The following NGLY1 variants were observed in gnomAD, a reference collection of about 807,000 sequenced individuals.
The protein encoded by NGLY1 is N-glycanase 1.
Under a neutral mutation model 84.6 loss-of-function variants are expected in NGLY1, and 68 were observed. That is an observed-to-expected ratio of 0.80 (90% CI 0.66 to 0.98). NGLY1 has a LOEUF of 0.98. NGLY1 is among the 50% of genes least tolerant of loss of function. The pLI, the probability that NGLY1 is intolerant of heterozygous loss-of-function variation, is 0.00. For synonymous variants in NGLY1, 280 were observed against 275.2 expected (o/e 1.02, Z -0.17); for missense variants, 779 against 770.2 (o/e 1.01, Z -0.14).
intron 2 of NGLY1, among the ~76,000 whole-genome samples, chr3:25,768,854 C>G (rs1707752847): frequency 6.6e-6 from 1 of 151,566 alleles, no homozygotes; most frequent in Admixed American, 6.6e-5. Flanking sequence ...ATGAGTAAGA[C>G]TTTAAGAACA....
chr3:25,751,322 A>G, intron 3 of NGLY1, 59 bp from the exon 4 acceptor site: 1 of 1,333,914 alleles, frequency 7.5e-7, no homozygotes, highest in Non-Finnish European at 9.8e-7. Flanking sequence ...AAAATAATAT[A>G]TAATAAAAAA....
At chr3:25,750,651 A>G (rs951976837) in intron 4 of NGLY1, among the ~76,000 whole-genome samples, 3 of 152,324 alleles carry the variant, frequency 2.0e-5, no homozygotes, top group Non-Finnish European at 4.4e-5. Flanking sequence ...ATTTTACCTC[A>G]ATTAAAAAAT....
rs191790520 is a variant in NGLY1, at chr3:25,741,718, C to T, written c.659-1919G>A. On this transcript the variant is annotated intron_variant, in intron 4 of 11. Transcript: ENST00000280700. Reference sequence around the variant, plus strand: ...GAAAAGATAAATTTCTGGACGGGCACGGTGGCTCACGCCTATAATCCCAGC... The same window carrying T: ...GAAAAGATAAATTTCTGGACGGGCATGGTGGCTCACGCCTATAATCCCAGC... 3.3e-3 allele frequency among the ~76,000 whole-genome samples: 500 copies of T among 152,114 alleles called. 3 individuals carry two copies. Among genetic ancestry groups the T allele is most frequent in the Admixed American group, 8.1e-3 (123 of 15,276 alleles).
chr3:25,719,745 TA>T, intron 11 of NGLY1, 110 bp from the exon 12 acceptor site: 1 of 808,380 alleles, frequency 1.2e-6, no homozygotes, highest in Non-Finnish European at 1.9e-6. Context: ...AATAAACCCT[TA>T]AAAATAAATA....
intron 3 of NGLY1, among the ~76,000 whole-genome samples, chr3:25,760,267 T>C (rs747138775): frequency 3.3e-5 from 5 of 152,104 alleles, no homozygotes; most frequent in Non-Finnish European, 7.4e-5. Context: ...TGAACATATA[T>C]ATATATGTAT....
rs769094117 is a variant in NGLY1 at position 25,751,121 on chromosome 3, G to C, written c.635C>G (p.Ser212Trp). Residue 212 changes from serine to tryptophan, a missense_variant, in exon 4 of 12, where the codon TCG becomes TGG. Coordinates refer to ENST00000280700, the MANE Select transcript of NGLY1 (RefSeq NM_018297.4). Reference sequence around the variant, plus strand: ...ACCTTTATCCAATTTTCTAGCTCTCGATAACTTTTCTTGTGATTTCCTTTT... The same window carrying C: ...ACCTTTATCCAATTTTCTAGCTCTCCATAACTTTTCTTGTGATTTCCTTTT... The part of the protein sequence containing the change: ...ELKRKSQEKL[S>W]RARKLDKGIN... The C allele has an allele frequency of 1.9e-6, 3 of 1,612,394 alleles. No individual in the cohort carries two copies. Among genetic ancestry groups the C allele is most frequent in the Non-Finnish European group, 2.5e-6 (3 of 1,179,530 alleles).
intron 10 of NGLY1, among the ~76,000 whole-genome samples, chr3:25,726,463 G>C (rs912639203): frequency 2.0e-5 from 3 of 152,196 alleles, no homozygotes; most frequent in African/African-American, 7.2e-5. Context: ...TCTATAAAGA[G>C]GGAAATGGAT....
At chr3:25,735,374 C>A (rs1705764388) in intron 7 of NGLY1, 1 of 151,228 alleles carries the variant, frequency 6.6e-6, no homozygotes, top group Admixed American at 6.6e-5. Flanking sequence ...AACACAATAC[C>A]CAATTAAAAA....
chr3:25,763,258 C>T (rs1316564594), intron 3 of NGLY1, among the ~76,000 whole-genome samples: 2 of 152,180 alleles, frequency 1.3e-5, no homozygotes, highest in African/African-American at 4.8e-5. Context: ...AAAATGTTTG[C>T]AAGCTTTTTT....
chr3:25,780,234 C>T (rs1448626962), intron 1 of NGLY1, among the ~76,000 whole-genome samples: 5 of 152,180 alleles, frequency 3.3e-5, no homozygotes, highest in Admixed American at 2.6e-4. Flanking sequence ...ACATGTGGGG[C>T]CTTTTCTCAG....
intron 4 of NGLY1, among the ~76,000 whole-genome samples, chr3:25,744,329 G>T (rs1183787951): frequency 1.3e-5 from 2 of 152,174 alleles, no homozygotes; most frequent in Non-Finnish European, 2.9e-5. Flanking sequence ...ATGCAATCAT[G>T]ACAAACCTTC....
At chr3:25,765,257 C>T (rs1484482418) in intron 2 of NGLY1, among the ~76,000 whole-genome samples, 2 of 151,428 alleles carry the variant, frequency 1.3e-5, no homozygotes, top group Non-Finnish European at 1.5e-5. Context: ...GTCAGGGGTT[C>T]GAGACCAGCC....
At chr3:25,728,450 G>A (rs1705369709) in intron 10 of NGLY1, among the ~76,000 whole-genome samples, 1 of 152,096 alleles carries the variant, frequency 6.6e-6, no homozygotes, top group Non-Finnish European at 1.5e-5. Context: ...AATATGATCA[G>A]ATCTACTGAG....
chr3:25,768,712 A>AT (rs1707742291), intron 2 of NGLY1, among the ~76,000 whole-genome samples: 1 of 151,598 alleles, frequency 6.6e-6, no homozygotes, highest in Non-Finnish European at 1.5e-5. Flanking sequence ...CGCCCGGCTA[A>AT]TTTTTTGTAT....
intron 5 of NGLY1, among the ~76,000 whole-genome samples, chr3:25,738,190 G>A (rs1474258330): frequency 6.6e-6 from 1 of 152,130 alleles, no homozygotes; most frequent in Non-Finnish European, 1.5e-5. Flanking sequence ...TATTTAAAAG[G>A]TAAACAACTT....
chr3:25,730,350 C>A (rs1705480031), intron 9 of NGLY1: 1 of 151,902 alleles, frequency 6.6e-6, no homozygotes, highest in South Asian at 2.1e-4. Flanking sequence ...AAAATGATTT[C>A]TTTTTAAATC....
At chr3:25,723,521 G>A (rs980478084) in intron 10 of NGLY1, among the ~76,000 whole-genome samples, 1 of 151,736 alleles carries the variant, frequency 6.6e-6, no homozygotes, top group African/African-American at 2.4e-5. Flanking sequence ...TGTATACTCA[G>A]TTTAGTAAAT....
chr3:25,778,401 A>G (rs760264400), intron 2 of NGLY1, 173 bp downstream of exon 2: 1 of 437,268 alleles, frequency 2.3e-6, no homozygotes, highest in Non-Finnish European at 4.2e-6. Context: ...CTGAAATTTT[A>G]AACTATACTT....
rs765675803 is a variant in NGLY1, at chr3:25,719,504, C to A, written c.1921G>T (p.Glu641Ter). 4 of 1,613,956 alleles carry A rather than the reference C, an allele frequency of 2.5e-6. No homozygotes were observed. In the South Asian group the frequency reaches 4.4e-5, roughly 18 times the overall value. Residue 641 changes from glutamate to a stop codon, truncating the protein, a stop_gained, in exon 12 of 12, where the codon GAA becomes TAA. Coordinates refer to ENST00000280700, the MANE Select transcript of NGLY1 (RefSeq NM_018297.4). LOFTEE classifies it high-confidence loss of function. Reference sequence around the variant, plus strand: ...ATAATTATCTCCAAACAATTTTCTTCATGGTCATTTAAGCTTTGTCTAAAC... The same window carrying A: ...ATAATTATCTCCAAACAATTTTCTTAATGGTCATTTAAGCTTTGTCTAAAC... The part of the protein sequence containing the change: ...QLFRQSLNDH[E>*]ENCLEIIIKF...
Sources: gnomAD v4.1 joint callset for allele counts (sites outside exome capture counted in the v4.1 genomes callset) on GRCh38, gnomAD v4.1.1 for gene constraint, MANE v1.5 for transcripts, NCBI Gene and HGNC (gene_info 2026-07-23, HGNC 2026-07-21) for gene names.